The following TBC1D5 variants were observed in gnomAD, a reference collection of about 807,000 sequenced individuals.
TBC1D5 encodes TBC1 domain family member 5, also known as TBC1 domain family, member 5.
A neutral mutation model predicts 100.3 loss-of-function variants in TBC1D5; 75 were observed. The ratio of observed to expected loss-of-function variants is 0.75; its 90% CI spans 0.62 to 0.91. The LOEUF (loss-of-function observed/expected upper bound fraction) is 0.91, where lower values mean the gene tolerates loss of function less well. Ranked by LOEUF, TBC1D5 falls within the 40% of genes least tolerant of loss-of-function variation. The probability of loss-of-function intolerance (pLI) is 0.00; values close to 1 mark genes in which losing one functional copy is unlikely to be tolerated. For synonymous variants in TBC1D5, 323 were observed against 325.6 expected (o/e 0.99, Z 0.09); for missense variants, 910 against 942.4 (o/e 0.97, Z 0.45).
rs573241339 is a variant in TBC1D5, at chr3:17,474,023, T to A, written c.97+34451A>T. ...TTAATCCTCACTTTTACAATGTAAG[T>A]AACTTTCACATAGGAAGTTTTCCTC... On this transcript the variant is annotated intron_variant, in intron 3 of 21. Transcript: ENST00000253692. 4.0e-4 allele frequency among the ~76,000 whole-genome samples: 61 copies of A among 152,266 alleles called. 1 individual carries two copies. In the South Asian group the frequency reaches 0.013, roughly 32 times the overall value.
chr3:17,350,425 C>T (rs146564815), intron 13 of TBC1D5, among the ~76,000 whole-genome samples: 1 of 152,228 alleles, frequency 6.6e-6, no homozygotes, highest in African/African-American at 2.4e-5. Context: ...AGTCAAAGAG[C>T]TGCTTTTTTG....
chr3:17,374,876 T>G (rs2092638837), intron 10 of TBC1D5, among the ~76,000 whole-genome samples, 197 bp from the exon 11 acceptor site: 1 of 152,172 alleles, frequency 6.6e-6, no homozygotes, highest in Non-Finnish European at 1.5e-5. Flanking sequence ...TTAGCTGCCT[T>G]GTCTATGCCT....
chr3:17,367,767 G>A (rs531771207), intron 13 of TBC1D5, among the ~76,000 whole-genome samples: 52 of 151,766 alleles, frequency 3.4e-4, no homozygotes, highest in Non-Finnish European at 6.8e-4. Context: ...GCTGAGGCAG[G>A]ATAATTGCTT....
At chr3:17,590,407 C>T (rs1235094583) in intron 2 of TBC1D5, among the ~76,000 whole-genome samples, 2 of 152,120 alleles carry the variant, frequency 1.3e-5, no homozygotes, top group African/African-American at 2.4e-5. Flanking sequence ...AGATGGCACA[C>T]TATGAGCAAA....
intron 3 of TBC1D5, among the ~76,000 whole-genome samples, chr3:17,447,679 T>C (rs1024241862): frequency 3.9e-5 from 6 of 152,216 alleles, no homozygotes; most frequent in African/African-American, 7.2e-5. Flanking sequence ...TTAATTCTTA[T>C]GGTGATCATG....
intron 2 of TBC1D5, among the ~76,000 whole-genome samples, chr3:17,544,619 A>G (rs563712666): frequency 6.7e-6 from 1 of 150,306 alleles, no homozygotes; most frequent in Non-Finnish European, 1.5e-5. Context: ...CCACTGCACT[A>G]CAACCTGGGC....
At chr3:17,336,787 G>A (rs896588006) in intron 13 of TBC1D5, among the ~76,000 whole-genome samples, 12 of 151,880 alleles carry the variant, frequency 7.9e-5, no homozygotes, top group East Asian at 3.9e-4. Context: ...AGAAGAAAGC[G>A]TCGATGATAT....
At position 17,349,619 on chromosome 3, in the gene TBC1D5, T is replaced by G. The variant is rs1335576788; in HGVS notation, c.995+22456A>C. 2.6e-5 allele frequency among the ~76,000 whole-genome samples: 4 copies of G among 152,226 alleles called. 1 individual carries two copies. In the South Asian group the frequency reaches 6.2e-4, roughly 24 times the overall value. ...GCAATGCTTAAAAACTTTTTAGAGG[T>G]TGGGGTTCCTAAAAATAAATAAGGG... On this transcript the variant is annotated intron_variant, in intron 13 of 21. Coordinates refer to ENST00000253692, the Ensembl canonical transcript of TBC1D5.
At chr3:17,481,827 A>G (rs1339682042) in intron 3 of TBC1D5, among the ~76,000 whole-genome samples, 2 of 151,890 alleles carry the variant, frequency 1.3e-5, no homozygotes, top group Non-Finnish European at 2.9e-5. Context: ...TGCAACCTCC[A>G]CCTCCCAGGT....
chr3:17,680,402 A>T (rs1348598865), intron 1 of TBC1D5, among the ~76,000 whole-genome samples: 1 of 150,400 alleles, frequency 6.6e-6, no homozygotes, highest in Non-Finnish European at 1.5e-5. Flanking sequence ...TTTTATTTTT[A>T]TATTTGTAGA....
intron 18 of TBC1D5, among the ~76,000 whole-genome samples, chr3:17,207,956 G>C (rs2072448401): frequency 1.3e-5 from 2 of 152,182 alleles, no homozygotes; most frequent in African/African-American, 4.8e-5. Context: ...TATAGTTTAA[G>C]GGACAAGAGA....
rs186153190 is a variant in TBC1D5 at position 17,440,356 on chromosome 3, T to A, written c.98-11837A>T. Among the ~76,000 whole-genome samples the A allele has an allele frequency of 1.5e-4, 23 of 152,234 alleles. No homozygotes were observed. In the East Asian group the frequency reaches 3.7e-3, roughly 24 times the overall value. ...AAGAAGGGCTATAGGCCAGGCACAG[T>A]GGCTCACACCTGTAATTCTAGCACT... On this transcript the variant is annotated intron_variant, in intron 3 of 21. Transcript: ENST00000253692.
intron 1 of TBC1D5, chr3:17,644,007 C>A (rs2064783064): frequency 6.6e-6 from 1 of 152,056 alleles, no homozygotes; most frequent in Non-Finnish European, 1.5e-5. Flanking sequence ...CATTCCTCAA[C>A]CTGAAACCTT....
intron 2 of TBC1D5, among the ~76,000 whole-genome samples, chr3:17,609,943 C>T (rs1243807368): frequency 6.6e-6 from 1 of 152,202 alleles, no homozygotes; most frequent in Non-Finnish European, 1.5e-5. Flanking sequence ...AACTCATTAT[C>T]TTTCCCCAAA....
chr3:17,500,180 G>A (rs1382590916), intron 3 of TBC1D5, among the ~76,000 whole-genome samples: 3 of 149,064 alleles, frequency 2.0e-5, no homozygotes, highest in Non-Finnish European at 4.4e-5. Context: ...CTCCCTTCAA[G>A]CAAATAAAGA....
intron 1 of TBC1D5, among the ~76,000 whole-genome samples, chr3:17,665,294 T>C (rs1461491256): frequency 6.6e-6 from 1 of 152,212 alleles, no homozygotes; most frequent in Non-Finnish European, 1.5e-5. Context: ...GAAGACCAAC[T>C]CTTTGTAGTA....
chr3:17,507,884 G>A (rs774522079), intron 3 of TBC1D5, among the ~76,000 whole-genome samples: 2 of 151,988 alleles, frequency 1.3e-5, no homozygotes, highest in African/African-American at 2.4e-5. Flanking sequence ...GAAAATAGTA[G>A]AGTTCTGATA....
rs536082141 is a variant in TBC1D5, at chr3:17,681,330, C to A, written c.-100-57417G>T. On this transcript the variant is annotated intron_variant, in intron 1 of 21. Transcript: ENST00000253692. Reference sequence around the variant, plus strand: ...TTTAATGCACATTCAAGTACAAATACGCCACTCTGGTTACCTGGTTCAACT... The same window carrying A: ...TTTAATGCACATTCAAGTACAAATAAGCCACTCTGGTTACCTGGTTCAACT... 3.3e-5 allele frequency among the ~76,000 whole-genome samples: 5 copies of A among 151,692 alleles called. 1 individual carries two copies. The highest frequency in any genetic ancestry group is 1.2e-4 in the African/African-American group (5 of 40,994).
At position 17,470,920 on chromosome 3, in the gene TBC1D5, C is replaced by CA. The variant is rs36082659; in HGVS notation, c.97+37553dup. On this transcript the variant is annotated intron_variant, in intron 3 of 21. Transcript: ENST00000253692. Reference sequence around the variant, plus strand: ...CGGACGACAGAGTGATAATCCATCTCAAAAAAAAAGTGATTTTTGTGACAT... The same window carrying CA: ...CGGACGACAGAGTGATAATCCATCTCAAAAAAAAAAGTGATTTTTGTGACAT... Among the ~76,000 whole-genome samples, 8 of 150,464 alleles carry CA rather than the reference C, an allele frequency of 5.3e-5. No homozygotes were observed. The East Asian group carries it at 5.8e-4, about 11-fold the overall frequency.
Sources: gnomAD v4.1 joint callset for allele counts (sites outside exome capture counted in the v4.1 genomes callset) on GRCh38, gnomAD v4.1.1 for gene constraint, MANE v1.5 for transcripts, NCBI Gene and HGNC (gene_info 2026-07-23, HGNC 2026-07-21) for gene names.